The following AFF2 variants were observed in gnomAD, a reference collection of about 807,000 sequenced individuals.
AFF2 encodes the protein ALF transcription elongation factor 2, also known as AF4/FMR2 family member 2.
A neutral mutation model predicts 76.9 loss-of-function variants in AFF2; 14 were observed. The ratio of observed to expected loss-of-function variants is 0.18; its 90% CI spans 0.12 to 0.28. The LOEUF is 0.28. Among genes scored for constraint, AFF2 ranks in the 10% least tolerant of loss-of-function variants. The pLI is 1.00. For missense variants in AFF2, 868 were observed against 1,001.1 expected (o/e 0.87, Z 1.79); for synonymous variants, 398 against 366.7 (o/e 1.09, Z -0.98).
At chrX:148,744,083 G>A (rs189851061) in intron 3 of AFF2, among the ~76,000 whole-genome samples, 49 of 110,834 alleles carry the variant, frequency 4.4e-4, no homozygotes, top group Non-Finnish European at 8.3e-4. Context: ...CGAAAGAAAG[G>A]TGTAATTAAT....
intron 1 of AFF2, among the ~76,000 whole-genome samples, chrX:148,631,565 G>A (rs782064085): frequency 8.9e-6 from 1 of 112,050 alleles, no homozygotes; most frequent in African/African-American, 3.2e-5. Flanking sequence ...ACAACAAGAA[G>A]GACAACAGAG....
At position 148,661,890 on chromosome X, in the gene AFF2, A is replaced by C. The variant is rs782802414; in HGVS notation, c.181-18A>C. On this transcript the variant is annotated intron_variant, in intron 2 of 20. Transcript: ENST00000370460. ...ATTCATTCTCTCTCCTCCCACCCCCATCTTTTTGTTATTTTAGACAAACAA... is the reference window on the plus strand; with the variant it reads ...ATTCATTCTCTCTCCTCCCACCCCCCTCTTTTTGTTATTTTAGACAAACAA... 2.6e-5 allele frequency: 31 copies of C among 1,173,830 alleles called. No homozygotes were observed. The highest frequency in any genetic ancestry group is 3.5e-5 in the Non-Finnish European group (31 of 877,114).
intron 7 of AFF2, among the ~76,000 whole-genome samples, chrX:148,852,984 G>A (rs188652721): frequency 3.1e-4 from 34 of 111,292 alleles, no homozygotes; most frequent in African/African-American, 1.0e-3. Context: ...AGGAAATTTC[G>A]TCCCAGAACA....
At chrX:148,505,742 G>C (rs1421415306) in intron 1 of AFF2, among the ~76,000 whole-genome samples, 1 of 111,955 alleles carries the variant, frequency 8.9e-6, no homozygotes, top group Non-Finnish European at 1.9e-5. Context: ...CCTCAAAGCG[G>C]AAAACTGCCA....
chrX:148,615,278 C>A (rs1557250163), intron 1 of AFF2, among the ~76,000 whole-genome samples: 1 of 111,883 alleles, frequency 8.9e-6, no homozygotes, highest in Non-Finnish European at 1.9e-5. Flanking sequence ...GGCTTACTCT[C>A]CTCAGCTAAT....
chrX:148,843,281 A>G, intron 6 of AFF2, 101 bp from the exon 7 acceptor site: 2 of 694,264 alleles, frequency 2.9e-6, no homozygotes, highest in Non-Finnish European at 2.2e-6. Context: ...TATCTCAAGA[A>G]GGTAACTCGG....
chrX:148,806,843 C>T (rs1027797086), intron 3 of AFF2, among the ~76,000 whole-genome samples: 120 of 112,153 alleles, frequency 1.1e-3, no homozygotes, highest in African/African-American at 3.7e-3. Flanking sequence ...ACTCTCCATG[C>T]TTTGCACTGT....
intron 7 of AFF2, among the ~76,000 whole-genome samples, chrX:148,852,389 G>GTTTT (rs33916305): frequency 1.4e-4 from 11 of 78,797 alleles, no homozygotes; most frequent in Admixed American, 1.1e-3. Flanking sequence ...CCAGCAGCTG[G>GTTTT]TTTTTTTTTT....
chrX:148,710,831 C>G (rs964888040), intron 3 of AFF2, among the ~76,000 whole-genome samples: 3 of 111,146 alleles, frequency 2.7e-5, no homozygotes, highest in African/African-American at 9.8e-5. Flanking sequence ...TATTTTTGAG[C>G]CTGTGAAATA....
At chrX:148,595,161 G>T (rs1221457609) in intron 1 of AFF2, among the ~76,000 whole-genome samples, 5 of 112,173 alleles carry the variant, frequency 4.5e-5, no homozygotes, top group Non-Finnish European at 9.4e-5. Context: ...AGACAATCCT[G>T]AAGGAAAATA....
At chrX:148,737,591 G>A (rs782626756) in intron 3 of AFF2, among the ~76,000 whole-genome samples, 7 of 111,297 alleles carry the variant, frequency 6.3e-5, no homozygotes, top group East Asian at 2.8e-4. Flanking sequence ...TCCCTTTACC[G>A]ATTTGGATGC....
At chrX:148,533,315 C>T (rs1360144339) in intron 1 of AFF2, among the ~76,000 whole-genome samples, 5 of 109,268 alleles carry the variant, frequency 4.6e-5, no homozygotes, top group African/African-American at 1.3e-4. Context: ...TTTTTTGAGA[C>T]GGAGTCTTGC....
At chrX:148,935,728 G>T (rs2071767538) in intron 9 of AFF2, among the ~76,000 whole-genome samples, 1 of 111,775 alleles carries the variant, frequency 8.9e-6, no homozygotes, top group Admixed American at 9.5e-5. Flanking sequence ...CACAAGAATT[G>T]CTGTGTTTTT....
At chrX:148,553,138 C>A (rs1248740475) in intron 1 of AFF2, among the ~76,000 whole-genome samples, 4 of 111,970 alleles carry the variant, frequency 3.6e-5, no homozygotes, top group African/African-American at 9.8e-5. Context: ...TTAAATTGAA[C>A]TGTAACTAAT....
At position 148,845,364 on chromosome X, in the gene AFF2, G is replaced by A. The variant is rs782289293; in HGVS notation, c.1262+1931G>A. ...CAATTGTGGTTTATAGTTAGAGGCT[G>A]CATTTCCAGAGAACAGCACTTCGTA... On this transcript the variant is annotated intron_variant, in intron 7 of 20. Coordinates refer to ENST00000370460, the MANE Select transcript of AFF2 (RefSeq NM_002025.4). 3.6e-5 allele frequency among the ~76,000 whole-genome samples: 4 copies of A among 112,018 alleles called. No individual in the cohort carries two copies. In the South Asian group the frequency reaches 1.5e-3, roughly 42 times the overall value.
intron 3 of AFF2, among the ~76,000 whole-genome samples, chrX:148,685,698 T>G (rs1372486463): frequency 2.7e-5 from 3 of 111,292 alleles, no homozygotes; most frequent in African/African-American, 9.8e-5. Flanking sequence ...TGTAATAGTT[T>G]CAGAATCTAA....
At position 148,955,647 on chromosome X, in the gene AFF2, T is replaced by A. The variant is rs781955803; in HGVS notation, c.1602T>A (p.Leu534=). The A allele has an allele frequency of 8.3e-7, 1 of 1,210,474 alleles. No homozygotes were observed. The highest frequency in any genetic ancestry group is 1.1e-6 in the Non-Finnish European group (1 of 895,194). ...STNKWQLDKW[L]NKVTSQNKSF... Reference sequence around the variant, plus strand: ...ACAAGTGGCAACTGGATAAATGGCTTAACAAAGTGACATCCCAGAACAAGT... The same window carrying A: ...ACAAGTGGCAACTGGATAAATGGCTAAACAAAGTGACATCCCAGAACAAGT... Residue 534 remains leucine, a synonymous_variant, in exon 11 of 21, where the codon CTT becomes CTA. Coordinates refer to ENST00000370460, the MANE Select transcript of AFF2 (RefSeq NM_002025.4).
At chrX:148,848,742 C>G (rs1422496325) in intron 7 of AFF2, among the ~76,000 whole-genome samples, 1 of 112,506 alleles carries the variant, frequency 8.9e-6, no homozygotes, top group Non-Finnish European at 1.9e-5. Flanking sequence ...GCCAAACTAA[C>G]TCTCCTGATA....
At chrX:148,682,578 G>GTGGATGGATGGATGGA (rs781792992) in intron 3 of AFF2, among the ~76,000 whole-genome samples, 4 of 106,284 alleles carry the variant, frequency 3.8e-5, no homozygotes, top group Non-Finnish European at 3.9e-5. Flanking sequence ...GGGTGGACAG[G>GTGGATGGATGGATGGA]TGGATGGATG....
Sources: allele counts gnomAD v4.1 joint callset (sites outside exome capture counted in the v4.1 genomes callset), GRCh38; gene constraint gnomAD v4.1.1; transcripts MANE v1.5; gene names NCBI Gene and HGNC (gene_info 2026-07-23, HGNC 2026-07-21).